The following NOS3 variants were observed in gnomAD, a reference collection of about 807,000 sequenced individuals.
The protein encoded by NOS3 is nitric oxide synthase 3, also known as NOS type III.
A neutral mutation model predicts 144.9 loss-of-function variants in NOS3; 98 were observed. The ratio of observed to expected loss-of-function variants is 0.68; its 90% CI spans 0.57 to 0.80. The LOEUF (loss-of-function observed/expected upper bound fraction) is 0.80. Ranked by LOEUF, NOS3 falls within the 30% of genes least tolerant of loss-of-function variation. NOS3 has a pLI of 0.00. For synonymous variants in NOS3, 714 were observed against 702.4 expected (o/e 1.02, Z -0.26); for missense variants, 1,465 against 1,656.4 (o/e 0.88, Z 2.01).
In NOS3 at chr7:150,998,321, C is replaced by G. The variant is rs1430949575; in HGVS notation, c.583-36C>G. ...GATACTCAAGACCCCCCGTCTCTCT[C>G]CTCACCCTCCTCTCCCGCTGCCTCG... On this transcript the variant is annotated intron_variant, in intron 5 of 26. Coordinates refer to ENST00000297494, the MANE Select transcript of NOS3 (RefSeq NM_000603.5). This position sits in a 1 kb window ranked among gnomAD's most constrained non-coding sequence, Gnocchi z 5.0. The G allele has an allele frequency of 6.3e-7, 1 of 1,590,962 alleles. No individual in the cohort carries two copies. Among genetic ancestry groups the G allele is most frequent in the Admixed American group, 1.7e-5 (1 of 57,650 alleles).
rs2117095233 is a variant in NOS3, at chr7:150,993,826, CCCAGGA to C, written c.24_29del (p.Gln9_Glu10del). 6.3e-7 allele frequency: 1 copy of C among 1,599,924 alleles called. No homozygotes were observed. The highest frequency in any genetic ancestry group is 1.4e-5 in the African/African-American group (1 of 73,836). ...AACATGGGCAACTTGAAGAGCGTGG[CCCAGGA>C]GCCTGGGCCACCCTGCGGCCTGGGG... On this transcript the variant is annotated inframe_deletion, in exon 2 of 27. Coordinates refer to ENST00000297494, the MANE Select transcript of NOS3 (RefSeq NM_000603.5). The surrounding 1 kb of genome is among the most constrained non-coding windows in gnomAD (Gnocchi z 4.0).
intron 23 of NOS3, among the ~76,000 whole-genome samples, chr7:151,011,544 G>A (rs546190179): frequency 2.8e-5 from 4 of 143,312 alleles, no homozygotes; most frequent in South Asian, 4.7e-4. Flanking sequence ...CCTGGGAGGT[G>A]GAGCTTGCAG....
In NOS3 at chr7:151,002,094, G is replaced by T; in HGVS notation, c.1648-106G>T. 1 of 1,439,620 alleles carries T rather than the reference G, an allele frequency of 6.9e-7. No homozygotes were observed. The highest frequency in any genetic ancestry group is 1.2e-5 in the South Asian group (1 of 80,866). 89.2% of individuals were successfully genotyped at this position (1,439,620 alleles called of 1,614,324 possible). ...AGGAACCCGGAACCACAGGTGTTCA[G>T]AGATCAAGTTGGGGCCTGAATCTTG... On this transcript the variant is annotated intron_variant, in intron 13 of 26. Coordinates refer to ENST00000297494, the MANE Select transcript of NOS3 (RefSeq NM_000603.5). The surrounding 1 kb of genome is among the most constrained non-coding windows in gnomAD (Gnocchi z 4.1).
chr7:151,013,167 TG>T, intron 24 of NOS3, 63 bp from the exon 25 acceptor site: 1 of 1,544,276 alleles, frequency 6.5e-7, no homozygotes, highest in Non-Finnish European at 8.8e-7. Flanking sequence ...CGGTGGCCTG[TG>T]GGGAGGCCCC....
rs1433923220 is a variant in NOS3 at position 150,996,488 on chromosome 7, G to A, written c.355G>A (p.Ala119Thr). The change falls in exon 4 of 27, where the codon GCC becomes ACC. Residue 119 changes from alanine (A) to threonine (T), a missense_variant. Ala to Thr is a moderately conservative substitution (Grantham distance 58). Coordinates refer to ENST00000297494, the MANE Select transcript of NOS3 (RefSeq NM_000603.5). ...GGGCCGGCCCTCCCCCGGCCCCCCG[G>A]CCCCTGAGCAGCTGCTGAGTCAGGC... ...LQGRPSPGPP[A>T]PEQLLSQARD... 6.2e-7 allele frequency: 1 copy of A among 1,602,498 alleles called. No individual in the cohort carries two copies. Among genetic ancestry groups the A allele is most frequent in the South Asian group, 1.1e-5 (1 of 89,792 alleles).
At chr7:151,009,687 C>A in intron 20 of NOS3, 102 bp downstream of exon 20, 1 of 947,170 alleles carries the variant, frequency 1.1e-6, no homozygotes. Flanking sequence ...CAGGGGGTGG[C>A]CACCTCCTCC....
At position 151,010,157 on chromosome 7, in the gene NOS3, C is replaced by G. The variant is rs757119361; in HGVS notation, c.2555C>G (p.Pro852Arg). Residue 852 changes from proline to arginine, a missense_variant, in exon 21 of 27, where the codon CCG becomes CGG. Around this residue, in one of 5 missense-constraint regions of NOS3, gnomAD observed 745 missense variants for 853.9 expected, o/e 0.87. Transcript: ENST00000297494. ...TGGGTGCGGGACCCCCGGCTGCCCC[C>G]GTGCACGCTGCGCCAGGCTCTCACC... is the stretch of plus-strand genomic sequence containing the variant. ...PGWVRDPRLPPCTLRQALTFF... is the reference protein window; with the variant it reads ...PGWVRDPRLPRCTLRQALTFF... 57 of 1,610,242 alleles carry G rather than the reference C, an allele frequency of 3.5e-5. No homozygotes were observed. The highest frequency in any genetic ancestry group is 4.8e-5 in the Non-Finnish European group (57 of 1,178,868).
Position 151,002,847 on chromosome 7 carries a change from G to T in NOS3, c.1752+543G>T. 9.9e-6 allele frequency: 2 copies of T among 201,366 alleles called. No homozygotes were observed. The highest frequency in any genetic ancestry group is 5.5e-5 in the Admixed American group (1 of 18,158). The allele number at this position is 201,366 out of a possible 1,614,324, so 12.5% of individuals were successfully genotyped here. ...TTATTTATTTTGAGAACCTATTTAC[G>T]TTGCCCAGGCTGGCCTTGAACTCCT... On this transcript the variant is annotated intron_variant, in intron 14 of 26. Coordinates refer to ENST00000297494, the MANE Select transcript of NOS3 (RefSeq NM_000603.5). The surrounding 1 kb of genome is among the most constrained non-coding windows in gnomAD (Gnocchi z 4.1).
intron 12 of NOS3, 66 bp downstream of exon 12, chr7:151,001,683 C>T (rs1795102169): frequency 1.9e-6 from 3 of 1,561,582 alleles, no homozygotes; most frequent in South Asian, 2.2e-5. Context: ...CCCACACACC[C>T]TGGGGGACCC....
At chr7:151,010,002 G>C (rs546660169) in intron 20 of NOS3, 113 bp from the exon 21 acceptor site, 20 of 708,470 alleles carry the variant, frequency 2.8e-5, no homozygotes, top group South Asian at 7.0e-5. Flanking sequence ...TAGACAGGCC[G>C]ACCCCGCTGC....
intron 12 of NOS3, 62 bp downstream of exon 12, chr7:151,001,679 C>T (rs1301554846): frequency 6.4e-7 from 1 of 1,563,260 alleles, no homozygotes; most frequent in Non-Finnish European, 8.8e-7. Flanking sequence ...CTCCCCCACA[C>T]ACCCTGGGGG....
chr7:151,014,243 C>G lies in NOS3; in HGVS notation c.*74C>G, dbSNP rs1332082672. 1.4e-6 allele frequency: 2 copies of G among 1,411,464 alleles called. No individual in the cohort carries two copies. The highest frequency in any genetic ancestry group is 1.9e-6 in the Non-Finnish European group (2 of 1,045,462). 87.4% of individuals were successfully genotyped at this position (1,411,464 alleles called of 1,614,324 possible). A position where few individuals can be genotyped will look rare whatever the true frequency, so the allele number is the denominator to read the frequency against. On this transcript the variant is annotated 3_prime_UTR_variant, in exon 27 of 27. Coordinates refer to ENST00000297494, the MANE Select transcript of NOS3 (RefSeq NM_000603.5). ...CAGGTCCGCCCGACCAGGATCAGCC[C>G]CGCTCCTCCCCTCTTGAGGTGGTGC...
intron 24 of NOS3, chr7:151,012,872 G>T: frequency 2.9e-6 from 1 of 347,128 alleles, no homozygotes; most frequent in South Asian, 4.5e-5. Flanking sequence ...ATCAAAAGAA[G>T]AGGGCTGTGA....
chr7:151,000,127 TGTGA>T (rs1272481924), intron 9 of NOS3, among the ~76,000 whole-genome samples: 2 of 113,766 alleles, frequency 1.8e-5, no homozygotes, highest in African/African-American at 6.8e-5. Flanking sequence ...TGGGTGTGGG[TGTGA>T]GTGGGTGGGT....
Position 151,010,722 on chromosome 7 carries a change from C to T in NOS3, c.2811C>T (p.Pro937=). ...LLLTQLPLLQ[P]RYYSVSSAPS... ...TCACCCAGCTGCCTCTGCTCCAGCC[C>T]CGGTACTACTCAGTCAGCTCGGCAC... The change falls in exon 22 of 27, where the codon CCC becomes CCT. Residue 937 remains proline (P), a synonymous_variant. Transcript: ENST00000297494. 1 of 1,613,276 alleles carries T rather than the reference C, an allele frequency of 6.2e-7. No homozygotes were observed. Among genetic ancestry groups the T allele is most frequent in the Non-Finnish European group, 8.5e-7 (1 of 1,179,702 alleles).
rs3918193 is a variant in NOS3 at position 151,007,391 on chromosome 7, A to G, written c.2112+115A>G. The G allele has an allele frequency of 2.3e-3, 2,768 of 1,180,366 alleles. 45 individuals carry two copies. In the African/African-American group the frequency reaches 0.038, roughly 16 times the overall value. 73.1% of individuals were successfully genotyped at this position (1,180,366 alleles called of 1,614,324 possible). On this transcript the variant is annotated intron_variant, in intron 17 of 26. Transcript: ENST00000297494. ...TCCCTTCCTGTTCCTTCCAAAATCC[A>G]CCCTCATCTCTCCATGGCATAGCCA...
Position 151,013,890 on chromosome 7 carries a change from A to C in NOS3, c.3422A>C (p.Glu1141Ala). The C allele has an allele frequency of 1.9e-6, 3 of 1,600,898 alleles. No individual in the cohort carries two copies. In the South Asian group the frequency reaches 3.4e-5, roughly 18 times the overall value. Residue 1141 changes from glutamate (E) to alanine (A), a missense_variant, in exon 26 of 27, where the codon GAG (glutamate) becomes GCG (alanine). Transcript: ENST00000297494. ...LATEGDMELD[E>A]AGDVIGVLRD... is the part of the protein sequence containing the mutation. ...ACGGAGGGCGACATGGAGCTGGACG[A>C]GGCCGGCGACGTCATCGGCGTGCTG...
At chr7:151,011,777 G>C (rs1317159367) in intron 23 of NOS3, 1 of 406,120 alleles carries the variant, frequency 2.5e-6, no homozygotes, top group African/African-American at 2.1e-5. Context: ...TCCCACCTCC[G>C]CCTCCCAAAG....
Position 151,003,341 on chromosome 7 carries a change from G to C in NOS3, c.1752+1037G>C. On this transcript the variant is annotated intron_variant, in intron 14 of 26. Coordinates refer to ENST00000297494, the MANE Select transcript of NOS3 (RefSeq NM_000603.5). The surrounding 1 kb of genome is among the most constrained non-coding windows in gnomAD (Gnocchi z 4.1). ...GGGTTTCGCCATGTTGCCCAGGCTG[G>C]TCTCTAACTCCTGGGTTCAAGCAAT... 1 of 862,696 alleles carries C rather than the reference G, an allele frequency of 1.2e-6. No homozygotes were observed. The highest frequency in any genetic ancestry group is 1.7e-5 in the African/African-American group (1 of 57,724). The allele number at this position is 862,696 out of a possible 1,614,324, so 53.4% of individuals were successfully genotyped here.
Sources: gnomAD v4.1 joint callset for allele counts (sites outside exome capture counted in the v4.1 genomes callset) on GRCh38, gnomAD v4.1.1 for gene constraint, gnomAD v4.1.1 regional missense constraint, Gnocchi (gnomAD v3.1) non-coding constraint, MANE v1.5 for transcripts, NCBI Gene and HGNC (gene_info 2026-07-23, HGNC 2026-07-21) for gene names.